The following ANKRD55 variants were observed in gnomAD, a reference collection of about 807,000 sequenced individuals.
The protein encoded by ANKRD55 is ankyrin repeat domain-containing protein 55.
Under a neutral mutation model 60.6 loss-of-function variants are expected in ANKRD55, and 41 were observed. The observed-to-expected ratio is 0.68, with a 90% CI of 0.53 to 0.88. The LOEUF (loss-of-function observed/expected upper bound fraction) is 0.88. ANKRD55 is among the 40% of genes least tolerant of loss of function. The pLI is 0.00. For missense variants in ANKRD55, 732 were observed against 767.6 expected, an observed-to-expected ratio of 0.95 and a Z score of 0.55; for synonymous variants, 264 against 290.3, an observed-to-expected ratio of 0.91 and a Z score of 0.92.
intron 2 of ANKRD55, among the ~76,000 whole-genome samples, chr5:56,222,229 A>G (rs1474141948): frequency 5.3e-5 from 8 of 152,208 alleles, no homozygotes; most frequent in Non-Finnish European, 1.2e-4. Context: ...ATACCCAGGC[A>G]AACAGAGTCT....
chr5:56,179,658 T>A (rs1217342508), intron 3 of ANKRD55, among the ~76,000 whole-genome samples: 1 of 152,172 alleles, frequency 6.6e-6, no homozygotes, highest in Non-Finnish European at 1.5e-5. Context: ...CTTTAAGACA[T>A]CTGCACTACA....
chr5:56,225,011 C>G (rs7723688), intron 2 of ANKRD55, among the ~76,000 whole-genome samples: 37 of 152,304 alleles, frequency 2.4e-4, no homozygotes, highest in African/African-American at 8.4e-4. Context: ...GATACCAAAG[C>G]CTGGCAGAGA....
intron 2 of ANKRD55, among the ~76,000 whole-genome samples, chr5:56,229,565 G>A (rs1329459450): frequency 6.6e-6 from 1 of 152,194 alleles, no homozygotes. Context: ...GCAAGTTCAT[G>A]TAACTAGGAA....
chr5:56,153,603 G>A (rs1561272450), intron 6 of ANKRD55, among the ~76,000 whole-genome samples: 2 of 152,146 alleles, frequency 1.3e-5, no homozygotes, highest in African/African-American at 4.8e-5. Flanking sequence ...ACTTTGGGAG[G>A]CCGAGGCAGG....
At chr5:56,107,873 T>G (rs318793) in intron 10 of ANKRD55, among the ~76,000 whole-genome samples, 3 of 88,160 alleles carry the variant, frequency 3.4e-5, no homozygotes, top group Non-Finnish European at 8.6e-5. Context: ...AGCAATAAAC[T>G]TTTTTTTTTT....
Position 56,111,182 on chromosome 5 carries a change from G to C in ANKRD55, c.1566C>G (p.Val522=), listed in dbSNP as rs1756682846. 1.9e-6 allele frequency: 3 copies of C among 1,614,178 alleles called. No homozygotes were observed. Among genetic ancestry groups the C allele is most frequent in the South Asian group, 1.1e-5 (1 of 91,070 alleles). Residue 522 remains valine, a synonymous_variant, in exon 10 of 12, where the codon GTC becomes GTG. Coordinates refer to ENST00000341048, the MANE Select transcript of ANKRD55 (RefSeq NM_024669.3). ...SDKLLDRLLS[V]RPGHQEVSVP... is the part of the protein sequence containing the mutation. ...CGGAGACCTCTTGGTGACCAGGCCG[G>C]ACACTGAGCAATCTGTCCAGCAGCT...
intron 3 of ANKRD55, among the ~76,000 whole-genome samples, chr5:56,182,246 A>T (rs1245105445): frequency 2.0e-5 from 3 of 152,172 alleles, no homozygotes; most frequent in Non-Finnish European, 4.4e-5. Flanking sequence ...GGGGGATTTT[A>T]AAATTATGAA....
At chr5:56,202,328 A>C (rs945219596) in intron 2 of ANKRD55, among the ~76,000 whole-genome samples, 1 of 152,088 alleles carries the variant, frequency 6.6e-6, no homozygotes, top group African/African-American at 2.4e-5. Context: ...AAAAAAAAAA[A>C]CAAAGTGTGC....
At position 56,135,327 on chromosome 5, in the gene ANKRD55, CTTTCTTTCTTTCTTTCTTTCTTTCTTTCT is replaced by C. The variant is rs1561264093; in HGVS notation, c.613-8250_613-8222del. On this transcript the variant is annotated intron_variant, in intron 7 of 11. Coordinates refer to ENST00000341048, the MANE Select transcript of ANKRD55 (RefSeq NM_024669.3). ...TCTTTCTTTCTTTCTTTCTTTCTTT[CTTTCTTTCTTTCTTTCTTTCTTTCTTTCT>C]TTCTTTCTTTCCTTCTTTCTTTCTT... Among the ~76,000 whole-genome samples the C allele has an allele frequency of 1.6e-3, 26 of 15,998 alleles. 4 individuals carry two copies. In the South Asian group the frequency reaches 0.045, roughly 28 times the overall value. 10.5% of individuals were successfully genotyped at this position (15,998 alleles called of 152,430 possible).
chr5:56,187,144 A>G (rs1201416711), intron 2 of ANKRD55, among the ~76,000 whole-genome samples: 1 of 152,216 alleles, frequency 6.6e-6, no homozygotes, highest in Non-Finnish European at 1.5e-5. Context: ...TATTTAATAG[A>G]GCTAAAGGTA....
intron 2 of ANKRD55, among the ~76,000 whole-genome samples, chr5:56,212,117 G>A (rs1759690583): frequency 6.6e-6 from 1 of 151,198 alleles, no homozygotes; most frequent in Admixed American, 6.6e-5. Flanking sequence ...TTCGGTTTGT[G>A]AATACAAAAT....
chr5:56,166,086 TTTTCTTTCTTTCTTTC>T (rs754266953), intron 5 of ANKRD55, among the ~76,000 whole-genome samples: 5 of 91,772 alleles, frequency 5.4e-5, no homozygotes, highest in South Asian at 3.8e-4. Context: ...TTTCTTTTCT[TTTTCTTTCTTTCTTTC>T]TTTCTTTCTT....
At chr5:56,184,329 T>C (rs143024074) in intron 2 of ANKRD55, among the ~76,000 whole-genome samples, 31 of 152,316 alleles carry the variant, frequency 2.0e-4, no homozygotes, top group Non-Finnish European at 3.4e-4. Context: ...CTGGGTTCCC[T>C]GATAAAATGG....
chr5:56,176,637 G>A (rs951638449), intron 3 of ANKRD55, among the ~76,000 whole-genome samples: 1 of 152,066 alleles, frequency 6.6e-6, no homozygotes, highest in Admixed American at 6.6e-5. Flanking sequence ...TTGGAAAGCC[G>A]CTCTATCTAG....
At chr5:56,226,981 T>C (rs538096276) in intron 2 of ANKRD55, among the ~76,000 whole-genome samples, 21 of 152,302 alleles carry the variant, frequency 1.4e-4, no homozygotes, top group African/African-American at 4.3e-4. Context: ...AGCCATCCCA[T>C]TACTGGGTAT....
intron 2 of ANKRD55, among the ~76,000 whole-genome samples, chr5:56,215,331 G>A (rs1216978030): frequency 6.6e-6 from 1 of 152,158 alleles, no homozygotes; most frequent in Non-Finnish European, 1.5e-5. Context: ...CTCCTCCTGG[G>A]ATGCTGGGGC....
At chr5:56,202,479 T>C (rs1444784604) in intron 2 of ANKRD55, among the ~76,000 whole-genome samples, 1 of 152,216 alleles carries the variant, frequency 6.6e-6, no homozygotes, top group Non-Finnish European at 1.5e-5. Context: ...TCTCATGTCT[T>C]CTCCAGTCCC....
At chr5:56,179,899 C>G (rs1758818247) in intron 3 of ANKRD55, among the ~76,000 whole-genome samples, 2 of 152,174 alleles carry the variant, frequency 1.3e-5, no homozygotes, top group African/African-American at 4.8e-5. Context: ...TTTGAATACT[C>G]TAGATGGATT....
chr5:56,158,259 ATGGT>A (rs1404941698), intron 6 of ANKRD55, among the ~76,000 whole-genome samples: 2 of 152,096 alleles, frequency 1.3e-5, no homozygotes, highest in Admixed American at 1.3e-4. Flanking sequence ...CCCCTTGCCT[ATGGT>A]CACCTAGCTT....
Sources: gnomAD v4.1 joint callset for allele counts (sites outside exome capture counted in the v4.1 genomes callset) on GRCh38, gnomAD v4.1.1 for gene constraint, MANE v1.5 for transcripts, NCBI Gene and HGNC (gene_info 2026-07-23, HGNC 2026-07-21) for gene names.